Variants in EYS observed in about 807,000 individuals in gnomAD.
The protein encoded by EYS is protein eyes shut homolog.
Under a neutral mutation model 282.1 loss-of-function variants are expected in EYS, and 250 were observed. The ratio of observed to expected loss-of-function variants is 0.89; its 90% CI spans 0.80 to 0.98. The LOEUF is 0.98. EYS is among the 50% of genes least tolerant of loss of function. EYS has a pLI of 0.00. For missense variants in EYS, 4,016 were observed against 3,709.0 expected (o/e 1.08, Z -2.15); for synonymous variants, 1,355 against 1,282.9 (o/e 1.06, Z -1.20).
chr6:64,502,087 C>G (rs16895347), intron 26 of EYS, among the ~76,000 whole-genome samples: 7,874 of 152,164 alleles, frequency 0.052, 686 homozygotes, highest in African/African-American at 0.18. Context: ...GCCATACAAG[C>G]AGTAGCTGTA....
intron 33 of EYS, among the ~76,000 whole-genome samples, chr6:64,061,065 A>T (rs1010840281): frequency 1.3e-5 from 2 of 152,198 alleles, no homozygotes; most frequent in Non-Finnish European, 2.9e-5. Context: ...CCTTCAATAG[A>T]CATGGATAAC....
chr6:64,821,732 C>G lies in EYS; in HGVS notation c.3165-9G>C, dbSNP rs1037090161. On this transcript the variant is annotated splice_polypyrimidine_tract_variant and intron_variant, in intron 20 of 42. Coordinates refer to ENST00000503581, the MANE Select transcript of EYS (RefSeq NM_001142800.2). ...TAATAAGTTCTGTGCACCTGAAACA[C>G]AGAATTAGAATTACATTTTCAAATA... 6.9e-7 allele frequency: 1 copy of G among 1,457,144 alleles called. No individual in the cohort carries two copies. Among genetic ancestry groups the G allele is most frequent in the African/African-American group, 1.4e-5 (1 of 70,718 alleles). 90.3% of individuals were successfully genotyped at this position (1,457,144 alleles called of 1,614,324 possible).
intron 22 of EYS, among the ~76,000 whole-genome samples, chr6:64,742,454 G>T (rs1055016375): frequency 5.9e-5 from 9 of 152,228 alleles, no homozygotes; most frequent in African/African-American, 9.6e-5. Flanking sequence ...TGGCAAAAAT[G>T]GTGTCAATAA....
At chr6:63,755,816 T>C (rs1443211700) in intron 41 of EYS, among the ~76,000 whole-genome samples, 2 of 152,210 alleles carry the variant, frequency 1.3e-5, no homozygotes, top group Non-Finnish European at 2.9e-5. Flanking sequence ...CCTTGAGCAG[T>C]GGTTTGTAGT....
intron 1 of EYS, among the ~76,000 whole-genome samples, chr6:65,681,424 A>G (rs1375672194): frequency 6.6e-6 from 1 of 152,062 alleles, no homozygotes; most frequent in Non-Finnish European, 1.5e-5. Context: ...AGAAAAATTT[A>G]AGTGAAATTA....
At chr6:63,797,099 G>A (rs1335143481) in intron 37 of EYS, 2 of 152,108 alleles carry the variant, frequency 1.3e-5, no homozygotes, top group African/African-American at 4.8e-5. Context: ...AGAAGGAAAC[G>A]ATCTTTTGAT....
At chr6:64,474,584 T>C (rs1446710821) in intron 26 of EYS, among the ~76,000 whole-genome samples, 1 of 152,202 alleles carries the variant, frequency 6.6e-6, no homozygotes, top group African/African-American at 2.4e-5. Context: ...TTTCACTTCC[T>C]GCTATTAATA....
intron 13 of EYS, among the ~76,000 whole-genome samples, chr6:65,039,643 A>AT (rs2150148459): frequency 6.6e-6 from 1 of 151,492 alleles, no homozygotes; most frequent in African/African-American, 2.4e-5. Flanking sequence ...AATGTTTTGT[A>AT]TTTTTCTGCA....
At chr6:65,187,983 G>C (rs889123304) in intron 12 of EYS, among the ~76,000 whole-genome samples, 2 of 151,536 alleles carry the variant, frequency 1.3e-5, no homozygotes, top group Non-Finnish European at 1.5e-5. Flanking sequence ...CATTAGAGTA[G>C]CATTCCTTCG....
chr6:64,645,118 C>A (rs1768302647), intron 22 of EYS, among the ~76,000 whole-genome samples: 1 of 152,170 alleles, frequency 6.6e-6, no homozygotes, highest in Non-Finnish European at 1.5e-5. Flanking sequence ...ATACTGTTTA[C>A]CATTTCTCTT....
chr6:63,884,574 A>G (rs1245480866), intron 35 of EYS, among the ~76,000 whole-genome samples: 3 of 152,290 alleles, frequency 2.0e-5, no homozygotes, highest in Middle Eastern at 3.4e-3. Flanking sequence ...TATTTTAAAA[A>G]TCTTGACCAA....
intron 1 of EYS, among the ~76,000 whole-genome samples, chr6:65,694,109 C>T (rs1769345446): frequency 6.7e-6 from 1 of 149,884 alleles, no homozygotes; most frequent in Non-Finnish European, 1.5e-5. Context: ...ATTAGCCAGG[C>T]GTGGTGGCAC....
rs186079982 is a variant in EYS, at chr6:64,515,419, C to G, written c.5644+74804G>C. On this transcript the variant is annotated intron_variant, in intron 26 of 42. Coordinates refer to ENST00000503581, the MANE Select transcript of EYS (RefSeq NM_001142800.2). ...ATTTTAAGTAAGTTATTTATTTTTTCTTATTTTTTGCTAAAAAAATTGTTA... is the reference window on the plus strand; with the variant it reads ...ATTTTAAGTAAGTTATTTATTTTTTGTTATTTTTTGCTAAAAAAATTGTTA... Among the ~76,000 whole-genome samples, 378 of 151,094 alleles carry G rather than the reference C, an allele frequency of 2.5e-3. 1 individual carries two copies. Among genetic ancestry groups the G allele is most frequent in the African/African-American group, 8.3e-3 (342 of 41,344 alleles).
intron 22 of EYS, among the ~76,000 whole-genome samples, chr6:64,659,258 C>T (rs1348241809): frequency 3.9e-5 from 6 of 152,238 alleles, no homozygotes; most frequent in South Asian, 4.1e-4. Flanking sequence ...AAATTTATAG[C>T]ACTAAATGCC....
chr6:63,817,299 C>G (rs1771203717), intron 36 of EYS, among the ~76,000 whole-genome samples: 1 of 152,172 alleles, frequency 6.6e-6, no homozygotes, highest in Non-Finnish European at 1.5e-5. Flanking sequence ...TAGAGGATAG[C>G]AACAACTGAA....
At chr6:64,833,552 C>T (rs1038185502) in intron 19 of EYS, among the ~76,000 whole-genome samples, 6 of 151,690 alleles carry the variant, frequency 4.0e-5, no homozygotes, top group Admixed American at 1.3e-4. Context: ...ATACATAGGT[C>T]AAAACAATCA....
At chr6:65,087,398 G>GAAAAC (rs1774415412) in intron 12 of EYS, among the ~76,000 whole-genome samples, 1 of 152,062 alleles carries the variant, frequency 6.6e-6, no homozygotes, top group African/African-American at 2.4e-5. Flanking sequence ...TCTTTTCTTA[G>GAAAAC]TTTTCCTGTG....
intron 30 of EYS, among the ~76,000 whole-genome samples, chr6:64,234,506 T>C (rs1350469644): frequency 6.6e-6 from 1 of 152,218 alleles, no homozygotes; most frequent in Non-Finnish European, 1.5e-5. Flanking sequence ...TTTAAGTTTT[T>C]TTCTTGTTAT....
At chr6:65,372,253 C>T (rs1024735893) in intron 8 of EYS, among the ~76,000 whole-genome samples, 2 of 151,868 alleles carry the variant, frequency 1.3e-5, no homozygotes, top group Admixed American at 6.6e-5. Context: ...TTTGATATAA[C>T]AAACAACACT....
Sources: gnomAD v4.1 joint callset for allele counts (sites outside exome capture counted in the v4.1 genomes callset) on GRCh38, gnomAD v4.1.1 for gene constraint, MANE v1.5 for transcripts, NCBI Gene and HGNC (gene_info 2026-07-23, HGNC 2026-07-21) for gene names.